MYOF: variants seen among roughly 807,000 people sequenced by gnomAD.
MYOF encodes fer-1-like 3, myoferlin.
In MYOF, 244 loss-of-function variants were observed where a neutral mutation model predicts 284.2. That is an observed-to-expected ratio of 0.86 (90% CI 0.77 to 0.95). The LOEUF (loss-of-function observed/expected upper bound fraction) is 0.95. Ranked by LOEUF, MYOF falls within the 40% of genes least tolerant of loss-of-function variation. The pLI is 0.00. For missense variants in MYOF, 2,496 were observed against 2,560.6 expected (o/e 0.97, Z 0.54); for synonymous variants, 904 against 919.7 (o/e 0.98, Z 0.31).
chr10:93,310,679 C>G (rs772248474), intron 51 of MYOF, 36 bp from the exon 52 acceptor site: 1 of 1,570,482 alleles, frequency 6.4e-7, no homozygotes, highest in South Asian at 1.1e-5. Flanking sequence ...CATATGACAT[C>G]ATGTTTCACA....
intron 19 of MYOF, among the ~76,000 whole-genome samples, chr10:93,384,812 A>T (rs1035489880): frequency 1.3e-5 from 2 of 152,190 alleles, no homozygotes; most frequent in Non-Finnish European, 2.9e-5. Flanking sequence ...GATTTCTGTC[A>T]AGCAAGATAC....
chr10:93,372,546 A>T (rs1182737416), intron 24 of MYOF, among the ~76,000 whole-genome samples: 2 of 152,334 alleles, frequency 1.3e-5, no homozygotes, highest in East Asian at 3.9e-4. Flanking sequence ...ATTGCTCATT[A>T]GGTTAGAGCA....
chr10:93,470,090 A>G lies in MYOF; in HGVS notation c.88+12017T>C, dbSNP rs1196055386. ...CTAAAAAAACAAAAATTAGCCAAGC[A>G]TGATGGTGCGCACCTGAAATCCCAG... On this transcript the variant is annotated intron_variant, in intron 1 of 53. Coordinates refer to ENST00000359263, the MANE Select transcript of MYOF (RefSeq NM_013451.4). Among the ~76,000 whole-genome samples, 3 of 151,870 alleles carry G rather than the reference A, an allele frequency of 2.0e-5. No individual in the cohort carries two copies. In the East Asian group the frequency reaches 5.9e-4, roughly 30 times the overall value.
At position 93,419,146 on chromosome 10, in the gene MYOF, A is replaced by C. The variant is rs74150228; in HGVS notation, c.433+6925T>G. Among the ~76,000 whole-genome samples the C allele has an allele frequency of 4.7e-3, 714 of 152,092 alleles. 7 individuals are homozygous for C. Among genetic ancestry groups the C allele is most frequent in the African/African-American group, 0.016 (675 of 41,498 alleles). The stretch of plus-strand genomic sequence containing the variant: ...TGGCATATTCACTAGTGTTCCCCAA[A>C]ATGCCCTTCCTTTTTTCTTCTTTTT... On this transcript the variant is annotated intron_variant, in intron 5 of 53. Coordinates refer to ENST00000359263, the MANE Select transcript of MYOF (RefSeq NM_013451.4).
intron 1 of MYOF, among the ~76,000 whole-genome samples, chr10:93,473,041 G>A (rs538964131): frequency 1.4e-3 from 211 of 152,312 alleles, no homozygotes; most frequent in African/African-American, 4.8e-3. Context: ...ATGAAGGCTC[G>A]GAAATATAGT....
At chr10:93,454,987 TAAAAAAAAAAAAAAA>T (rs56013436) in intron 2 of MYOF, among the ~76,000 whole-genome samples, 3 of 58,654 alleles carry the variant, frequency 5.1e-5, no homozygotes, top group Non-Finnish European at 9.2e-5. Context: ...TTTTTTTAAT[TAAAAAAAAAAAAAAA>T]AAAAAAAAAA....
At chr10:93,331,300 C>A (rs1223687790) in intron 43 of MYOF, among the ~76,000 whole-genome samples, 1 of 152,110 alleles carries the variant, frequency 6.6e-6, no homozygotes, top group African/African-American at 2.4e-5. Context: ...TGGACTGGAG[C>A]CATCTGGGGG....
At chr10:93,341,101 T>C (rs1293373385) in intron 38 of MYOF, among the ~76,000 whole-genome samples, 2 of 152,174 alleles carry the variant, frequency 1.3e-5, no homozygotes, top group Admixed American at 1.3e-4. Context: ...TTCTATTAGA[T>C]TCATACCAAA....
In MYOF at chr10:93,417,471, G is replaced by T. The variant is rs1327193461; in HGVS notation, c.434-7732C>A. Among the ~76,000 whole-genome samples the T allele has an allele frequency of 2.0e-5, 3 of 152,100 alleles. No homozygotes were observed. The East Asian group carries it at 5.8e-4, about 29-fold the overall frequency. On this transcript the variant is annotated intron_variant, in intron 5 of 53. Transcript: ENST00000359263. ...TCCACCCACTCAGTGCTGAAGAGTTGGCAGCCCTAGAGGACCTCGTGATAC... is the reference window on the plus strand; with the variant it reads ...TCCACCCACTCAGTGCTGAAGAGTTTGCAGCCCTAGAGGACCTCGTGATAC...
chr10:93,378,691 GTGTA>G (rs1301708398), intron 21 of MYOF, among the ~76,000 whole-genome samples: 3 of 42,250 alleles, frequency 7.1e-5, no homozygotes, highest in Admixed American at 2.2e-4. Flanking sequence ...ATGTGTGTGT[GTGTA>G]TATATATATA....
intron 1 of MYOF, among the ~76,000 whole-genome samples, chr10:93,469,435 A>AG (rs1342538905): frequency 1.3e-5 from 2 of 152,082 alleles, no homozygotes; most frequent in Admixed American, 6.5e-5. Flanking sequence ...CCCATGAAAA[A>AG]GCTTTCTACA....
intron 19 of MYOF, among the ~76,000 whole-genome samples, chr10:93,383,579 G>A (rs551033940): frequency 5.9e-5 from 9 of 152,286 alleles, no homozygotes; most frequent in South Asian, 2.1e-4. Flanking sequence ...TGGAATACCC[G>A]TGGTCCAGAA....
intron 37 of MYOF, among the ~76,000 whole-genome samples, chr10:93,344,346 T>C (rs1482613767): frequency 1.3e-5 from 2 of 152,248 alleles, no homozygotes; most frequent in Non-Finnish European, 2.9e-5. Flanking sequence ...AATTCTGAGA[T>C]TGTAGTGCAC....
In MYOF at chr10:93,351,581, CA is replaced by C; in HGVS notation, c.3664-11del. 1 of 1,613,104 alleles carries C rather than the reference CA, an allele frequency of 6.2e-7. No homozygotes were observed. Among genetic ancestry groups the C allele is most frequent in the Non-Finnish European group, 8.5e-7 (1 of 1,179,532 alleles). ...AAAATTCATCTTTGCCCTAGAGAAA[CA>C]AAGTGATCCTTAAATTCCCCGACAA... On this transcript the variant is annotated splice_polypyrimidine_tract_variant and intron_variant, in intron 33 of 53. Coordinates refer to ENST00000359263, the MANE Select transcript of MYOF (RefSeq NM_013451.4).
At chr10:93,350,842 C>T (rs779585147) in intron 35 of MYOF, among the ~76,000 whole-genome samples, 4 of 152,166 alleles carry the variant, frequency 2.6e-5, no homozygotes, top group Admixed American at 2.0e-4. Flanking sequence ...CTGCTCCCAT[C>T]CAACTTCCAT....
chr10:93,341,823 C>A (rs898600347), intron 38 of MYOF: 2 of 859,034 alleles, frequency 2.3e-6, no homozygotes, highest in Non-Finnish European at 3.2e-6. Flanking sequence ...CCAAAATCTA[C>A]TAATGGAAAG....
At position 93,408,799 on chromosome 10, in the gene MYOF, A is replaced by T; in HGVS notation, c.717T>A (p.Pro239=). 5 of 1,614,150 alleles carry T rather than the reference A, an allele frequency of 3.1e-6. No homozygotes were observed. The highest frequency in any genetic ancestry group is 4.2e-6 in the Non-Finnish European group (5 of 1,180,032). ...TCAACCCCTTTACCTCATCAAAAAAAGGGTTGTTTCCTCTCTTGATTCTTG... is the reference window on the plus strand; with the variant it reads ...TCAACCCCTTTACCTCATCAAAAAATGGGTTGTTTCCTCTCTTGATTCTTG... ...HRTRIKRGNN[P]FFDELFFYNV... The change falls in exon 7 of 54, where the codon CCT becomes CCA. Residue 239 remains proline, a synonymous_variant. Coordinates refer to ENST00000359263, the MANE Select transcript of MYOF (RefSeq NM_013451.4).
At chr10:93,406,294 A>ATATATATATATATATT (rs1847578771) in intron 7 of MYOF, among the ~76,000 whole-genome samples, 1 of 86,866 alleles carries the variant, frequency 1.2e-5, no homozygotes, top group South Asian at 4.1e-4. Context: ...TCTTTTATAT[A>ATATATATATATATATT]TATATATATA....
At chr10:93,370,155 A>C (rs557122620) in intron 24 of MYOF, among the ~76,000 whole-genome samples, 1 of 152,198 alleles carries the variant, frequency 6.6e-6, no homozygotes, top group Non-Finnish European at 1.5e-5. Flanking sequence ...CCGGATTGCC[A>C]AACTGGACCT....
Sources: gnomAD v4.1 joint callset for allele counts (sites outside exome capture counted in the v4.1 genomes callset) on GRCh38, gnomAD v4.1.1 for gene constraint, MANE v1.5 for transcripts, NCBI Gene and HGNC (gene_info 2026-07-23, HGNC 2026-07-21) for gene names.